RMDN2: variants seen among roughly 807,000 people sequenced by gnomAD.
The protein encoded by RMDN2 is regulator of microtubule dynamics 2.
A neutral mutation model predicts 52.8 loss-of-function variants in RMDN2; 61 were observed. The ratio of observed to expected loss-of-function variants is 1.16; its 90% CI spans 0.94 to 1.43. RMDN2 has a LOEUF of 1.43. RMDN2 is among the 40% of genes most tolerant of loss of function. The probability of loss-of-function intolerance (pLI) is 0.00; values close to 1 mark genes in which losing one functional copy is unlikely to be tolerated. For missense variants in RMDN2, 592 were observed against 475.3 expected (o/e 1.25, Z -2.28); for synonymous variants, 180 against 153.1 (o/e 1.18, Z -1.30).
chr2:38,016,394 A>G (rs560233960), intron 10 of RMDN2, among the ~76,000 whole-genome samples: 1 of 152,350 alleles, frequency 6.6e-6, no homozygotes, highest in South Asian at 2.1e-4. Context: ...AATGTAGGAA[A>G]CACCTCATCC....
intron 10 of RMDN2, among the ~76,000 whole-genome samples, chr2:38,052,221 T>C (rs1233512339): frequency 6.6e-6 from 1 of 152,230 alleles, no homozygotes; most frequent in Non-Finnish European, 1.5e-5. Context: ...GTAACTGTGG[T>C]AAGATGATAT....
intron 2 of RMDN2, among the ~76,000 whole-genome samples, chr2:37,970,477 A>C (rs1465135757): frequency 1.3e-5 from 2 of 152,210 alleles, no homozygotes; most frequent in East Asian, 3.9e-4. Flanking sequence ...TTTATGTGTA[A>C]GATTGGCCTA....
intron 2 of RMDN2, among the ~76,000 whole-genome samples, chr2:37,939,307 C>A (rs1322549698): frequency 2.0e-5 from 3 of 152,072 alleles, no homozygotes; most frequent in Non-Finnish European, 4.4e-5. Context: ...TCTTTTACTT[C>A]CAATTATGTG....
intron 2 of RMDN2, among the ~76,000 whole-genome samples, chr2:37,930,064 T>C (rs563609692): frequency 1.3e-5 from 2 of 152,370 alleles, no homozygotes; most frequent in South Asian, 4.1e-4. Flanking sequence ...AGACCACTCC[T>C]GTTCAAAAGA....
At chr2:38,044,256 T>G (rs772893087) in intron 10 of RMDN2, among the ~76,000 whole-genome samples, 18 of 152,092 alleles carry the variant, frequency 1.2e-4, no homozygotes, top group Admixed American at 1.2e-3. Context: ...GTAATTCTTA[T>G]TGTTGTCTCT....
chr2:37,931,289 G>A (rs541683487), intron 2 of RMDN2, among the ~76,000 whole-genome samples: 1 of 152,240 alleles, frequency 6.6e-6, no homozygotes, highest in African/African-American at 2.4e-5. Context: ...ATTTATTATG[G>A]ATGTAGAAAA....
downstream of RMDN2, among the ~76,000 whole-genome samples, chr2:38,022,193 A>G (rs931448715): frequency 6.6e-6 from 1 of 152,246 alleles, no homozygotes; most frequent in Non-Finnish European, 1.5e-5. Flanking sequence ...TAAAGAAGTT[A>G]TCTGTAATGA....
At chr2:38,050,796 T>G (rs1681547652) in intron 10 of RMDN2, among the ~76,000 whole-genome samples, 1 of 152,238 alleles carries the variant, frequency 6.6e-6, no homozygotes, top group African/African-American at 2.4e-5. Flanking sequence ...GCTCGCTCTG[T>G]CGCACAGGCT....
At chr2:37,932,252 G>A (rs1666821878) in intron 2 of RMDN2, among the ~76,000 whole-genome samples, 1 of 149,936 alleles carries the variant, frequency 6.7e-6, no homozygotes, top group South Asian at 2.1e-4. Context: ...AGATTAGGGA[G>A]TGGTGATGAC....
chr2:37,930,284 A>G (rs999356518), intron 2 of RMDN2, among the ~76,000 whole-genome samples: 4 of 152,246 alleles, frequency 2.6e-5, no homozygotes, highest in Non-Finnish European at 4.4e-5. Context: ...GTGCAGGTCA[A>G]AAAAGACTTG....
intron 1 of RMDN2, among the ~76,000 whole-genome samples, chr2:37,927,871 C>A (rs1262730312): frequency 1.3e-5 from 2 of 152,138 alleles, no homozygotes; most frequent in Non-Finnish European, 2.9e-5. Flanking sequence ...GCTGAAGTTA[C>A]AAATTGATTG....
At chr2:38,010,405 C>A (rs948293172) in intron 10 of RMDN2, among the ~76,000 whole-genome samples, 6 of 152,236 alleles carry the variant, frequency 3.9e-5, no homozygotes, top group African/African-American at 1.4e-4. Flanking sequence ...CAAGCCTCGG[C>A]AATGGCTCGC....
At chr2:37,923,149 A>G (rs1039952260), upstream of RMDN2, 2 of 152,186 alleles carry the variant, frequency 1.3e-5, no homozygotes, top group Admixed American at 6.5e-5. Context: ...CACCCCTGCA[A>G]CAGTACCTGG....
chr2:38,013,837 G>A (rs1049211176), intron 10 of RMDN2, among the ~76,000 whole-genome samples: 1 of 152,084 alleles, frequency 6.6e-6, no homozygotes, highest in Non-Finnish European at 1.5e-5. Flanking sequence ...TTTCTTTCTG[G>A]TTGAAACTTA....
downstream of RMDN2, among the ~76,000 whole-genome samples, chr2:38,022,470 C>A (rs1477073763): frequency 2.0e-5 from 3 of 152,228 alleles, no homozygotes; most frequent in African/African-American, 7.2e-5. Context: ...GTACACCTGC[C>A]ACTCACAGAC....
chr2:37,940,795 CT>C (rs1232694013), intron 2 of RMDN2, among the ~76,000 whole-genome samples: 2 of 152,046 alleles, frequency 1.3e-5, no homozygotes, highest in Non-Finnish European at 2.9e-5. Flanking sequence ...TTTCTCTAAC[CT>C]TTTATCAAGG....
chr2:37,945,480 C>G (rs139591152), intron 2 of RMDN2, among the ~76,000 whole-genome samples: 115 of 152,222 alleles, frequency 7.6e-4, no homozygotes, highest in African/African-American at 2.6e-3. Flanking sequence ...TTCACTCTAC[C>G]AGCACATCTA....
In RMDN2 at chr2:37,925,741, C is replaced by T. The variant is rs144913543; in HGVS notation, c.-17+316C>T. Among the ~76,000 whole-genome samples the T allele has an allele frequency of 2.1e-3, 321 of 152,342 alleles. 2 individuals are homozygous for T. The highest frequency in any genetic ancestry group is 7.4e-3 in the African/African-American group (308 of 41,586). ...GAACAGGCAGTTTGCTGCCTCGGCC[C>T]GGCTGGTCCCTGCAAACCCCAAAGA... On this transcript the variant is annotated intron_variant, in intron 1 of 10. Coordinates refer to ENST00000354545, the MANE Select transcript of RMDN2 (RefSeq NM_001170791.3).
In RMDN2 at chr2:37,952,353, AAATTT is replaced by A. The variant is rs1279861502; in HGVS notation, c.453-21682_453-21678del. The A allele has an allele frequency of 9.1e-6, 6 of 657,350 alleles. No individual in the cohort carries two copies. In the East Asian group the frequency reaches 1.3e-4, roughly 15 times the overall value. 40.7% of individuals were successfully genotyped at this position (657,350 alleles called of 1,614,324 possible). A position where few individuals can be genotyped will look rare whatever the true frequency, so the allele number is the denominator to read the frequency against. On this transcript the variant is annotated intron_variant, in intron 2 of 10. Coordinates refer to ENST00000354545, the MANE Select transcript of RMDN2 (RefSeq NM_001170791.3). ...GAAGAAGATTCCTACATTGCAGTGT[AAATTT>A]AATTGCTGTAGTTTTGAAAGTTAGT...
Sources: gnomAD v4.1 joint callset for allele counts (sites outside exome capture counted in the v4.1 genomes callset) on GRCh38, gnomAD v4.1.1 for gene constraint, MANE v1.5 for transcripts, NCBI Gene and HGNC (gene_info 2026-07-23, HGNC 2026-07-21) for gene names.